Variants in AMPD1 observed in about 807,000 individuals in gnomAD.
The protein encoded by AMPD1 is AMP deaminase 1.
A neutral mutation model predicts 82.9 loss-of-function variants in AMPD1; 74 were observed. The observed-to-expected ratio is 0.89, with a 90% confidence interval of 0.74 to 1.08. AMPD1 has a LOEUF of 1.08. AMPD1 is among the 50% of genes least tolerant of loss of function. AMPD1 has a pLI of 0.00. For missense variants in AMPD1, 881 were observed against 924.5 expected (o/e 0.95, Z 0.61); for synonymous variants, 333 against 320.5 (o/e 1.04, Z -0.42).
chr1:114,678,273 G>C lies in AMPD1; in HGVS notation c.1092+60C>G. The C allele has an allele frequency of 1.9e-6, 3 of 1,582,256 alleles. No homozygotes were observed. The South Asian group carries it at 3.3e-5, about 18-fold the overall frequency. ...ACCTCTGAGAAGGGAGGGCTTGTAG[G>C]AGAAAGACATGTGGGGTTCTGAGTA... On this transcript the variant is annotated intron_variant, in intron 8 of 15. Coordinates refer to ENST00000520113, the MANE Select transcript of AMPD1 (RefSeq NM_000036.3).
Position 114,677,934 on chromosome 1 carries a change from C to G in AMPD1, c.1200G>C (p.Gly400=). ...CCTTGATGATAGTGGCAAAATATTC[C>G]CCATTAATGTAATTGTCTGTCTTCA... ...LYLKTDNYIN[G]EYFATIIKEV... is the part of the protein sequence containing the mutation. The change falls in exon 9 of 16, where the codon GGG becomes GGC. Residue 400 remains glycine, a synonymous_variant. Transcript: ENST00000520113. 1 of 1,613,506 alleles carries G rather than the reference C, an allele frequency of 6.2e-7. No individual in the cohort carries two copies. The highest frequency in any genetic ancestry group is 2.2e-5 in the East Asian group (1 of 44,848).
chr1:114,685,287 C>T (rs74851252), intron 4 of AMPD1, among the ~76,000 whole-genome samples: 2 of 152,292 alleles, frequency 1.3e-5, no homozygotes, highest in African/African-American at 2.4e-5. Context: ...TCTATCAGGT[C>T]CTCAAGAATG....
intron 4 of AMPD1, among the ~76,000 whole-genome samples, chr1:114,686,099 AC>A (rs1364926290): frequency 1.3e-5 from 2 of 152,188 alleles, no homozygotes; most frequent in Non-Finnish European, 2.9e-5. Flanking sequence ...GTTGTTTGTG[AC>A]ATGACTTTAC....
rs369386998 is a variant in AMPD1, at chr1:114,689,007, C to T, written c.35-266G>A. On this transcript the variant is annotated intron_variant, in intron 2 of 15. Coordinates refer to ENST00000520113, the MANE Select transcript of AMPD1 (RefSeq NM_000036.3). ...CTAAAGATGGTCCTAAAGATGAGAC[C>T]GGGCTGTTGTAGGACTAGCACCTCA... 170 of 675,056 alleles carry T rather than the reference C, an allele frequency of 2.5e-4. 1 individual carries two copies. The highest frequency in any genetic ancestry group is 2.1e-3 in the South Asian group (151 of 73,012). 41.8% of individuals were successfully genotyped at this position (675,056 alleles called of 1,614,324 possible).
At chr1:114,673,770 G>GA (rs1484336020) in intron 14 of AMPD1, 21 bp from the exon 15 acceptor site, 1 of 1,589,246 alleles carries the variant, frequency 6.3e-7, no homozygotes, top group Admixed American at 1.7e-5. Context: ...ATTAAATGAG[G>GA]AAAAAAGAGG....
At chr1:114,675,344 C>T (rs570269702) in intron 12 of AMPD1, among the ~76,000 whole-genome samples, 186 bp downstream of exon 12, 15 of 152,132 alleles carry the variant, frequency 9.9e-5, no homozygotes, top group African/African-American at 3.1e-4. Flanking sequence ...TTGAAAGCAT[C>T]GAAATACCGA....
chr1:114,683,397 T>C (rs953279249), intron 5 of AMPD1, among the ~76,000 whole-genome samples: 13 of 152,006 alleles, frequency 8.6e-5, no homozygotes, highest in Non-Finnish European at 1.8e-4. Context: ...AGTATAAAAA[T>C]GGAGCAGAGA....
chr1:114,674,988 C>T lies in AMPD1; in HGVS notation c.1680-116G>A, dbSNP rs562268010. On this transcript the variant is annotated intron_variant, in intron 12 of 15. Transcript: ENST00000520113. ...GAAGTAAGCCATCCAAAGGATTCAG[C>T]AAAACAGTCCCAAATCATAATCTTA... The T allele has an allele frequency of 2.3e-4, 308 of 1,313,108 alleles. 6 individuals are homozygous for T. In the South Asian group the frequency reaches 3.1e-3, roughly 13 times the overall value. 81.3% of individuals were successfully genotyped at this position (1,313,108 alleles called of 1,614,324 possible).
chr1:114,674,707 C>G (rs763612614), intron 13 of AMPD1, 45 bp downstream of exon 13: 1 of 1,599,076 alleles, frequency 6.3e-7, no homozygotes, highest in South Asian at 1.1e-5. Flanking sequence ...AAAAAAGATT[C>G]CTCTAGCTCC....
intron 4 of AMPD1, among the ~76,000 whole-genome samples, chr1:114,686,379 C>T (rs143821619): frequency 5.9e-5 from 9 of 152,148 alleles, no homozygotes; most frequent in Middle Eastern, 3.4e-3. Context: ...CCAGAGACTC[C>T]GTGCCTCCCC....
chr1:114,689,284 A>G lies in AMPD1; in HGVS notation c.35-543T>C, dbSNP rs573010651. 1.2e-4 allele frequency among the ~76,000 whole-genome samples: 18 copies of G among 152,202 alleles called. 1 individual carries two copies. The South Asian group carries it at 3.7e-3, about 32-fold the overall frequency. On this transcript the variant is annotated intron_variant, in intron 2 of 15. Transcript: ENST00000520113. Reference sequence around the variant, plus strand: ...ATACTGTGTTTCTCTCACACATCAAACCTTGTTTTTTCAAATCCAGACAAC... The same window carrying G: ...ATACTGTGTTTCTCTCACACATCAAGCCTTGTTTTTTCAAATCCAGACAAC...
chr1:114,679,585 G>A lies in AMPD1; in HGVS notation c.891C>T (p.Cys297=). Reference sequence around the variant, plus strand: ...GAGCAACTAAAATGTTTACCTTCCTGCAGTTATAAAAATCTCGGTGGGGGT... The same window carrying A: ...GAGCAACTAAAATGTTTACCTTCCTACAGTTATAAAAATCTCGGTGGGGGT... The part of the protein sequence containing the change: ...KNNPHRDFYN[C]RKVDTHIHAA... Residue 297 remains cysteine, a synonymous_variant, in exon 7 of 16, where the codon TGC becomes TGT. Transcript: ENST00000520113. 6.2e-7 allele frequency: 1 copy of A among 1,613,866 alleles called. No individual in the cohort carries two copies. The highest frequency in any genetic ancestry group is 8.5e-7 in the Non-Finnish European group (1 of 1,179,944).
At position 114,674,348 on chromosome 1, in the gene AMPD1, C is replaced by T. The variant is rs74113507; in HGVS notation, c.1801-266G>A. On this transcript the variant is annotated intron_variant, in intron 13 of 15. Transcript: ENST00000520113. ...TAATGGCCTACGTTAGATGGTCTGT[C>T]TCAGGCAAAAGACTTTGCCTTGAAA... Among the ~76,000 whole-genome samples the T allele has an allele frequency of 0.048, 7,324 of 152,248 alleles. 201 individuals are homozygous for T. The highest frequency in any genetic ancestry group is 0.065 in the Middle Eastern group (19 of 292).
chr1:114,682,595 T>C (rs55967635), intron 5 of AMPD1, among the ~76,000 whole-genome samples: 6,274 of 151,746 alleles, frequency 0.041, 191 homozygotes, highest in Non-Finnish European at 0.064. Flanking sequence ...TTTTTTTTTT[T>C]TGAGACGGAG....
chr1:114,684,318 G>A lies in AMPD1; in HGVS notation c.428C>T (p.Ala143Val). The A allele has an allele frequency of 6.2e-7, 1 of 1,613,732 alleles. No homozygotes were observed. The highest frequency in any genetic ancestry group is 8.5e-7 in the Non-Finnish European group (1 of 1,179,984). ...FEIVCKGLYR[A>V]LCIREKYMQK... ...CATGTATTTCTCACGTATGCATAGT[G>A]CCCGATACAGACCTTTGCAAACAAT... Residue 143 changes from alanine to valine, a missense_variant, in exon 5 of 16, where the codon GCA (alanine) becomes GTA (valine). This residue lies in a region of AMPD1 where 783 missense variants were observed against 786.4 expected (regional missense o/e 1.00). Transcript: ENST00000520113.
intron 4 of AMPD1, 103 bp downstream of exon 4, chr1:114,686,642 G>T: frequency 2.4e-6 from 3 of 1,233,890 alleles, no homozygotes; most frequent in Non-Finnish European, 3.6e-6. Flanking sequence ...GGACAGGTGA[G>T]CTAATACCTC....
Position 114,673,133 on chromosome 1 carries a change from C to G in AMPD1, c.2225G>C (p.Gly742Ala). 1 of 1,613,892 alleles carries G rather than the reference C, an allele frequency of 6.2e-7. No individual in the cohort carries two copies. The highest frequency in any genetic ancestry group is 8.5e-7 in the Non-Finnish European group (1 of 1,179,910). ...TTTTTTTTATTCTGTTGATTTAAGA[C>G]CCTCAGCAATTAAATTGAGTTCATA... is the stretch of plus-strand genomic sequence containing the variant. ...WCYELNLIAE[G>A]LKSTE The change falls in exon 16 of 16, where the codon GGT (glycine) becomes GCT (alanine). Residue 742 changes from glycine to alanine, a missense_variant. Gly to Ala is a moderately conservative substitution (Grantham distance 60). Transcript: ENST00000520113.
intron 12 of AMPD1, 179 bp from the exon 13 acceptor site, chr1:114,675,051 A>G: frequency 1.3e-6 from 1 of 786,552 alleles, no homozygotes. Context: ...AAGAGGCAGC[A>G]GAGGATATGG....
rs144543642 is a variant in AMPD1 at position 114,673,173 on chromosome 1, A to C, written c.2185T>G (p.Tyr729Asp). The C allele has an allele frequency of 4.2e-5, 67 of 1,614,014 alleles. No individual in the cohort carries two copies. The highest frequency in any genetic ancestry group is 5.4e-5 in the Non-Finnish European group (64 of 1,179,996). The change falls in exon 16 of 16, where the codon TAT becomes GAT. Residue 729 changes from tyrosine (Y) to aspartate (D), a missense_variant. Around this residue, in one of 2 missense-constraint regions of AMPD1, gnomAD observed 98 missense variants for 138.1 expected, o/e 0.71. Transcript: ENST00000520113. ...TTGAGTTCATAACACCAGGTTTCAT[A>C]GCGATAGGCCATGCGGATTTGGGCT... ...NVAQIRMAYR[Y>D]ETWCYELNLI...
Sources: allele counts gnomAD v4.1 joint callset (sites outside exome capture counted in the v4.1 genomes callset), GRCh38; gene constraint gnomAD v4.1.1; regional missense constraint gnomAD v4.1.1; transcripts MANE v1.5; gene names NCBI Gene and HGNC (gene_info 2026-07-23, HGNC 2026-07-21).